Variants in KRABD2 observed in about 807,000 individuals in gnomAD.
KRABD2 encodes KRAB domain-containing protein 2.
At chr17:8,362,005 T>A in the KRABD2 span, among the ~76,000 whole-genome samples, 1 of 152,222 alleles carries the variant, frequency 6.6e-6, no homozygotes, top group Non-Finnish European at 1.5e-5. The surrounding 1 kb of genome is among the most constrained non-coding windows in gnomAD (Gnocchi z 4.2). Context: ...TTCAACTGAC[T>A]TTGTAGGATC....
chr17:8,370,192 C>G, the KRABD2 span: 17 of 1,612,778 alleles, frequency 1.1e-5, no homozygotes, highest in Non-Finnish European at 1.4e-5. Context: ...TCTTTAACTT[C>G]CTTTATTGTT....
the KRABD2 span, chr17:8,370,053 TA>T: frequency 6.2e-7 from 1 of 1,614,110 alleles, no homozygotes; most frequent in Non-Finnish European, 8.5e-7. Context: ...CTTATGTACA[TA>T]ATACCGTATT....
At chr17:8,375,848 G>A in the KRABD2 span, 2 of 1,193,326 alleles carry the variant, frequency 1.7e-6, no homozygotes, top group Non-Finnish European at 2.1e-6. Context: ...AAACGAGTTG[G>A]TCAGAGAAAA....
chr17:8,367,846 T>C, the KRABD2 span, among the ~76,000 whole-genome samples: 1 of 151,174 alleles, frequency 6.6e-6, no homozygotes, highest in Admixed American at 6.6e-5. Context: ...CCTTAATCCA[T>C]TGTTTATCTG....
At chr17:8,367,192 G>C in the KRABD2 span, 2 of 152,106 alleles carry the variant, frequency 1.3e-5, no homozygotes, top group Non-Finnish European at 2.9e-5. Context: ...ACAATGAGAA[G>C]TGTGTCTCTT....
At chr17:8,363,863 T>TATATATATA in the KRABD2 span, among the ~76,000 whole-genome samples, 104 of 55,634 alleles carry the variant, frequency 1.9e-3, no homozygotes, top group East Asian at 4.1e-3. Flanking sequence ...ATATATATAT[T>TATATATATA]TATTTATTTA....
At chr17:8,374,913 G>A in the KRABD2 span, among the ~76,000 whole-genome samples, 2 of 100,244 alleles carry the variant, frequency 2.0e-5, no homozygotes, top group Non-Finnish European at 1.9e-5. Flanking sequence ...ACTCCAGCCT[G>A]GGCGACAGAG....
chr17:8,372,457 C>T, the KRABD2 span, among the ~76,000 whole-genome samples: 1 of 152,228 alleles, frequency 6.6e-6, no homozygotes, highest in African/African-American at 2.4e-5. The surrounding 1 kb of genome is among the most constrained non-coding windows in gnomAD (Gnocchi z 4.1). Flanking sequence ...TCTAGTGATC[C>T]ACCTGCCTCA....
At chr17:8,363,850 T>TATATATATG in the KRABD2 span, among the ~76,000 whole-genome samples, 1 of 89,878 alleles carries the variant, frequency 1.1e-5, no homozygotes, top group Non-Finnish European at 2.3e-5. Context: ...TATATATATA[T>TATATATATG]ATATATATAT....
the KRABD2 span, among the ~76,000 whole-genome samples, chr17:8,374,763 G>C: frequency 6.7e-6 from 1 of 149,888 alleles, no homozygotes; most frequent in East Asian, 2.0e-4. Context: ...TGGCTAACAC[G>C]AGGAAACCCC....
At chr17:8,369,861 G>A in the KRABD2 span, 3 of 1,614,154 alleles carry the variant, frequency 1.9e-6, no homozygotes, top group Admixed American at 1.7e-5. Flanking sequence ...CATGGGCTTT[G>A]GTGCAAGGCC....
the KRABD2 span, chr17:8,375,795 A>C: frequency 3.7e-6 from 3 of 806,388 alleles, no homozygotes; most frequent in African/African-American, 5.4e-5. Context: ...GTGACCGTAA[A>C]TCAATCAGCT....
chr17:8,361,868 G>A, the KRABD2 span, among the ~76,000 whole-genome samples: 4,599 of 152,264 alleles, frequency 0.03, 230 homozygotes, highest in African/African-American at 0.1. Flanking sequence ...ATGGTTATAA[G>A]CATTGACCTT....
chr17:8,373,702 G>A, the KRABD2 span: 2 of 158,592 alleles, frequency 1.3e-5, no homozygotes, highest in Non-Finnish European at 1.3e-5. Flanking sequence ...CCTCTTCCCG[G>A]CCGCCATCCC....
At chr17:8,370,074 T>C in the KRABD2 span, 1 of 1,613,976 alleles carries the variant, frequency 6.2e-7, no homozygotes, top group Non-Finnish European at 8.5e-7. Flanking sequence ...TCGATCACGT[T>C]CTCCATGAGT....
chr17:8,359,431 A>G, the KRABD2 span: 2 of 364,064 alleles, frequency 5.5e-6, no homozygotes, highest in African/African-American at 4.3e-5. Flanking sequence ...CTCACTGAGC[A>G]CTCCTTTACA....
At chr17:8,363,865 ATTTATTTAT>A in the KRABD2 span, among the ~76,000 whole-genome samples, 1 of 69,532 alleles carries the variant, frequency 1.4e-5, no homozygotes, top group Non-Finnish European at 3.1e-5. Flanking sequence ...ATATATATTT[ATTTATTTAT>A]TTATTTATTT....
chr17:8,370,584 T>A, the KRABD2 span, among the ~76,000 whole-genome samples: 2 of 152,284 alleles, frequency 1.3e-5, no homozygotes, highest in South Asian at 4.1e-4. Flanking sequence ...GCAACAGAAT[T>A]TGACATCAGT....
chr17:8,369,454 C>T, the KRABD2 span: 1 of 1,614,098 alleles, frequency 6.2e-7, no homozygotes, highest in South Asian at 1.1e-5. Context: ...AATCGGAGGC[C>T]TTTGGCCCAG....
Sources: gnomAD v4.1 joint callset for allele counts (sites outside exome capture counted in the v4.1 genomes callset) on GRCh38, gnomAD v4.1.1 for gene constraint, Gnocchi (gnomAD v3.1) non-coding constraint, MANE v1.5 for transcripts, NCBI Gene and HGNC (gene_info 2026-07-23, HGNC 2026-07-21) for gene names.